The following UHRF2 variants were observed in gnomAD, a reference collection of about 807,000 sequenced individuals.
The protein encoded by UHRF2 is ubiquitin like with PHD and ring finger domains 2.
A neutral mutation model predicts 96.8 loss-of-function variants in UHRF2; 23 were observed. The ratio of observed to expected loss-of-function variants is 0.24; its 90% confidence interval spans 0.17 to 0.34. The LOEUF is 0.34. Ranked by LOEUF, UHRF2 falls within the 10% of genes least tolerant of loss-of-function variation. The probability of loss-of-function intolerance (pLI) is 1.00; values close to 1 mark genes in which losing one functional copy is unlikely to be tolerated. For missense variants in UHRF2, 685 were observed against 981.5 expected (o/e 0.70, Z 4.04); for synonymous variants, 385 against 332.6 (o/e 1.16, Z -1.72).
rs559125902 is a variant in UHRF2 at position 6,459,497 on chromosome 9, C to T, written c.645-1076C>T. Among the ~76,000 whole-genome samples, 19 of 152,196 alleles carry T rather than the reference C, an allele frequency of 1.2e-4. No homozygotes were observed. In the South Asian group the frequency reaches 2.1e-3, roughly 17 times the overall value. On this transcript the variant is annotated intron_variant, in intron 3 of 15. Coordinates refer to ENST00000276893, the MANE Select transcript of UHRF2 (RefSeq NM_152896.3). ...CAGCCTGGCCAACATGGCAAAACCC[C>T]GTCTCTACTAAAAATTCAAAAATTA...
intron 3 of UHRF2, among the ~76,000 whole-genome samples, chr9:6,439,985 T>C (rs1007841340): frequency 6.6e-6 from 1 of 152,230 alleles, no homozygotes; most frequent in African/African-American, 2.4e-5. Flanking sequence ...TCTTGTTTCA[T>C]TTTAGTAAGT....
intron 1 of UHRF2, chr9:6,415,271 C>G (rs1394749435): frequency 6.6e-6 from 1 of 152,218 alleles, no homozygotes; most frequent in Non-Finnish European, 1.5e-5. Context: ...CCAGGGAAAA[C>G]TGAGGATAAC....
chr9:6,449,950 G>A (rs1308850113), intron 3 of UHRF2, among the ~76,000 whole-genome samples: 1 of 152,168 alleles, frequency 6.6e-6, no homozygotes, highest in Non-Finnish European at 1.5e-5. Context: ...GTCACCTCAT[G>A]TGCCTTTTCC....
At chr9:6,485,188 C>T (rs1824195544) in intron 8 of UHRF2, among the ~76,000 whole-genome samples, 1 of 152,090 alleles carries the variant, frequency 6.6e-6, no homozygotes, top group Admixed American at 6.6e-5. Context: ...TTGGTTGAAC[C>T]AGTATTCAGA....
rs1171172143 is a variant in UHRF2 at position 6,428,533 on chromosome 9, C to CTTTTTTTTTTTT, written c.385-5354_385-5343dup. On this transcript the variant is annotated intron_variant, in intron 2 of 15. Coordinates refer to ENST00000276893, the MANE Select transcript of UHRF2 (RefSeq NM_152896.3). ...TGTAAATGGAACCATATTGCTTTTG[C>CTTTTTTTTTTTT]TTTTTTTTTTTTTTTTTTTTTTTTT... Among the ~76,000 whole-genome samples the CTTTTTTTTTTTT allele has an allele frequency of 4.1e-4, 27 of 65,422 alleles. 2 individuals are homozygous for CTTTTTTTTTTTT. The highest frequency in any genetic ancestry group is 7.3e-4 in the African/African-American group (11 of 15,002). 42.9% of individuals were successfully genotyped at this position (65,422 alleles called of 152,430 possible). A position where few individuals can be genotyped will look rare whatever the true frequency, so the allele number is the denominator to read the frequency against.
At position 6,497,182 on chromosome 9, in the gene UHRF2, C is replaced by G; in HGVS notation, c.1605-16C>G. The G allele has an allele frequency of 6.2e-7, 1 of 1,610,828 alleles. No individual in the cohort carries two copies. Among genetic ancestry groups the G allele is most frequent in the Non-Finnish European group, 8.5e-7 (1 of 1,178,684 alleles). On this transcript the variant is annotated splice_polypyrimidine_tract_variant and intron_variant, in intron 10 of 15. Coordinates refer to ENST00000276893, the MANE Select transcript of UHRF2 (RefSeq NM_152896.3). ...GAAAAATTACATGGTATAAAGACTT[C>G]TTTGTTGTTTTTTAGGGCATTGGCC... is the stretch of plus-strand genomic sequence containing the variant.
At chr9:6,425,571 A>G (rs2130738815) in intron 2 of UHRF2, among the ~76,000 whole-genome samples, 2 of 151,992 alleles carry the variant, frequency 1.3e-5, no homozygotes, top group East Asian at 3.9e-4. Flanking sequence ...CCTGGTGAAC[A>G]TGGTGAAACC....
At chr9:6,491,520 A>G (rs1368358868) in intron 9 of UHRF2, among the ~76,000 whole-genome samples, 1 of 152,206 alleles carries the variant, frequency 6.6e-6, no homozygotes, top group Non-Finnish European at 1.5e-5. Flanking sequence ...GAATTAAGTC[A>G]TTAAAGGAGT....
chr9:6,493,727 A>C (rs562010033), intron 9 of UHRF2, 99 bp from the exon 10 acceptor site: 3 of 1,034,248 alleles, frequency 2.9e-6, no homozygotes, highest in Non-Finnish European at 4.2e-6. Flanking sequence ...GAAAATGTCA[A>C]CTCATAACAT....
chr9:6,471,201 G>A (rs1322868984), intron 4 of UHRF2, among the ~76,000 whole-genome samples: 1 of 152,166 alleles, frequency 6.6e-6, no homozygotes, highest in Non-Finnish European at 1.5e-5. Flanking sequence ...AGGGTGGTAT[G>A]GTATCATAAC....
intron 4 of UHRF2, among the ~76,000 whole-genome samples, chr9:6,468,927 G>A (rs1823046440): frequency 6.6e-6 from 1 of 152,158 alleles, no homozygotes; most frequent in African/African-American, 2.4e-5. Context: ...CAGTAGGAAG[G>A]TTGAACTTTC....
At chr9:6,462,557 T>A (rs1231830444) in intron 4 of UHRF2, among the ~76,000 whole-genome samples, 1 of 152,106 alleles carries the variant, frequency 6.6e-6, no homozygotes, top group Non-Finnish European at 1.5e-5. Flanking sequence ...GTGTTGGAAG[T>A]AGAAAGCATG....
intron 4 of UHRF2, among the ~76,000 whole-genome samples, chr9:6,471,877 G>C (rs1045669399): frequency 6.6e-6 from 1 of 152,166 alleles, no homozygotes; most frequent in Non-Finnish European, 1.5e-5. Context: ...GTAGGACCAG[G>C]AGAATAGAGA....
chr9:6,475,066 G>A (rs1026219482), intron 4 of UHRF2, among the ~76,000 whole-genome samples: 1 of 152,130 alleles, frequency 6.6e-6, no homozygotes, highest in African/African-American at 2.4e-5. Context: ...ATATTGCACA[G>A]ATTTAACAGG....
intron 4 of UHRF2, among the ~76,000 whole-genome samples, chr9:6,469,158 C>G (rs576365141): frequency 1.3e-5 from 2 of 152,202 alleles, no homozygotes; most frequent in Non-Finnish European, 1.5e-5. Flanking sequence ...TTGGAATTCA[C>G]AAAATAATTA....
chr9:6,492,628 G>T (rs1417549790), intron 9 of UHRF2: 1 of 152,862 alleles, frequency 6.5e-6, no homozygotes, highest in Non-Finnish European at 1.5e-5. Flanking sequence ...TACGAATTTA[G>T]TAGACACAAA....
At chr9:6,438,869 CAG>C (rs1563756185) in intron 3 of UHRF2, among the ~76,000 whole-genome samples, 3 of 152,090 alleles carry the variant, frequency 2.0e-5, no homozygotes, top group Admixed American at 1.3e-4. Flanking sequence ...CCAGTCAGAG[CAG>C]AGTTAAAAAC....
At chr9:6,484,609 A>C (rs927032240) in intron 8 of UHRF2, 1 of 140,998 alleles carries the variant, frequency 7.1e-6, no homozygotes. Flanking sequence ...TCTGGGTTTC[A>C]CCATATTGCC....
intron 9 of UHRF2, among the ~76,000 whole-genome samples, chr9:6,489,293 G>T (rs1367996800): frequency 6.6e-6 from 1 of 152,158 alleles, no homozygotes; most frequent in Non-Finnish European, 1.5e-5. Flanking sequence ...ATGTACCACA[G>T]TTCATTTAAT....
Sources: gnomAD v4.1 joint callset for allele counts (sites outside exome capture counted in the v4.1 genomes callset) on GRCh38, gnomAD v4.1.1 for gene constraint, MANE v1.5 for transcripts, NCBI Gene and HGNC (gene_info 2026-07-23, HGNC 2026-07-21) for gene names.